Variants in ZNF169 observed in about 807,000 individuals in gnomAD.
ZNF169 encodes the protein zinc finger protein 169.
In ZNF169, 11 loss-of-function variants were observed where a neutral mutation model predicts 12.0. The ratio of observed to expected loss-of-function variants is 0.92; its 90% CI spans 0.58 to 1.52. The LOEUF (loss-of-function observed/expected upper bound fraction) is 1.52, where lower values mean the gene tolerates loss of function less well. Among genes scored for constraint, ZNF169 ranks in the 40% most tolerant of loss-of-function variants. ZNF169 has a pLI of 0.00. For missense variants in ZNF169, 722 were observed against 744.0 expected, an observed-to-expected ratio of 0.97 and a Z score of 0.34; for synonymous variants, 302 against 286.5, an observed-to-expected ratio of 1.05 and a Z score of -0.55.
chr9:94,300,210 A>G lies in ZNF169; in HGVS notation c.652A>G (p.Arg218Gly), dbSNP rs777344996. ...ESGAVIRGNY[R>G]LGLSKKSSLF... ...TGGAGCAGTCATACGTGGAAACTAT[A>G]GACTGGGACTTAGCAAAAAGTCAAG... Residue 218 changes from arginine to glycine, a missense_variant, in exon 5 of 5, where the codon AGA (arginine) becomes GGA (glycine). Transcript: ENST00000395395. The G allele has an allele frequency of 1.9e-6, 3 of 1,614,222 alleles. No homozygotes were observed. Among genetic ancestry groups the G allele is most frequent in the South Asian group, 2.2e-5 (2 of 91,086 alleles).
intron 1 of ZNF169, among the ~76,000 whole-genome samples, chr9:94,269,415 C>T (rs1830352742): frequency 6.6e-6 from 1 of 152,164 alleles, no homozygotes; most frequent in African/African-American, 2.4e-5. Context: ...CTCCATGCTT[C>T]CCTAGTAGTG....
intron 1 of ZNF169, among the ~76,000 whole-genome samples, chr9:94,273,963 T>G (rs1830477120): frequency 6.6e-6 from 1 of 152,312 alleles, no homozygotes; most frequent in South Asian, 2.1e-4. Context: ...TACCACACAA[T>G]GGGTGGCTGT....
chr9:94,278,943 G>C (rs1830570683), intron 2 of ZNF169, 98 bp downstream of exon 2: 1 of 1,221,472 alleles, frequency 8.2e-7, no homozygotes. Flanking sequence ...AGCCTATCTT[G>C]ATCTTGTAGG....
At chr9:94,273,859 G>A (rs3131901) in intron 1 of ZNF169, among the ~76,000 whole-genome samples, 44,249 of 152,066 alleles carry the variant, frequency 0.29, 7,971 homozygotes, top group East Asian at 0.53. Flanking sequence ...GATTACAGGC[G>A]TGAGCCACTG....
chr9:94,300,590 G>A lies in ZNF169; in HGVS notation c.1032G>A (p.Lys344=). 3 of 1,614,204 alleles carry A rather than the reference G, an allele frequency of 1.9e-6. No individual in the cohort carries two copies. The African/African-American group carries it at 4.0e-5, about 22-fold the overall frequency. Residue 344 remains lysine, a synonymous_variant, in exon 5 of 5, where the codon AAG becomes AAA. Transcript: ENST00000395395. The stretch of plus-strand genomic sequence containing the variant: ...ACCAGAGGACGCACTTGGAGGAGAA[G>A]CCCTTCGTGTGTCCTGAGTGTGGGA... ...LLHQRTHLEE[K]PFVCPECGRG...
Position 94,301,248 on chromosome 9 carries a change from CA to C in ZNF169, c.1691del (p.His564LeufsTer55). 1 of 1,614,168 alleles carries C rather than the reference CA, an allele frequency of 6.2e-7. No homozygotes were observed. The highest frequency in any genetic ancestry group is 8.5e-7 in the Non-Finnish European group (1 of 1,180,030). ...TGCCCTCATCCGACATCAGCGGACC[CA>C]TTCTGGGGAGAAGCCGTATGTCTGC... Reference protein sequence around the residue: ...KSALIRHQRTHSGEKPYVCRE... With the variant: ...KSALIRHQRTXSGEKPYVCRE... On this transcript the variant is annotated frameshift_variant, in exon 5 of 5. Coordinates refer to ENST00000395395, the MANE Select transcript of ZNF169 (RefSeq NM_194320.4). LOFTEE classifies it low-confidence loss of function (END_TRUNC).
chr9:94,278,195 A>G (rs190638809), intron 1 of ZNF169, among the ~76,000 whole-genome samples: 64 of 152,344 alleles, frequency 4.2e-4, no homozygotes, highest in Admixed American at 3.9e-3. Context: ...AAACTAGGTC[A>G]GTTACTGACT....
intron 1 of ZNF169, among the ~76,000 whole-genome samples, chr9:94,272,131 C>T (rs910659343): frequency 6.6e-6 from 1 of 150,864 alleles, no homozygotes; most frequent in Non-Finnish European, 1.5e-5. Flanking sequence ...CTCTTATTGT[C>T]CTTTTAATGT....
intron 2 of ZNF169, among the ~76,000 whole-genome samples, chr9:94,290,761 C>G (rs1381626684): frequency 6.6e-6 from 1 of 152,050 alleles, no homozygotes; most frequent in African/African-American, 2.4e-5. Context: ...TCCCTACTTT[C>G]AATTTTTGGG....
intron 1 of ZNF169, among the ~76,000 whole-genome samples, chr9:94,270,539 T>C (rs945950732): frequency 1.4e-5 from 2 of 144,568 alleles, no homozygotes; most frequent in Admixed American, 1.5e-4. Flanking sequence ...CTATTGCTAA[T>C]TTGTTAGGAG....
Position 94,300,039 on chromosome 9 carries a change from T to A in ZNF169, c.481T>A (p.Ser161Thr). 3 of 1,613,928 alleles carry A rather than the reference T, an allele frequency of 1.9e-6. No individual in the cohort carries two copies. Among genetic ancestry groups the A allele is most frequent in the Non-Finnish European group, 2.5e-6 (3 of 1,179,994 alleles). ...ATTAAGAAAGAGGCCAAGCAGAATT[T>A]CTAGGACATTCTTCAGCCCACATCA... is the stretch of plus-strand genomic sequence containing the variant. ...SSLRKRPSRI[S>T]RTFFSPHQGD... is the part of the protein sequence containing the mutation. Residue 161 changes from serine (S) to threonine (T), a missense_variant, in exon 5 of 5, where the codon TCT becomes ACT. By Grantham distance (58) the Ser-to-Thr change is moderately conservative. Transcript: ENST00000395395.
chr9:94,288,479 C>T, intron 2 of ZNF169: 2 of 834,458 alleles, frequency 2.4e-6, no homozygotes, highest in East Asian at 6.0e-5. Context: ...TTTATTAAGC[C>T]AAATCCATAG....
Position 94,300,663 on chromosome 9 carries a change from A to G in ZNF169, c.1105A>G (p.Thr369Ala). 1 of 1,613,916 alleles carries G rather than the reference A, an allele frequency of 6.2e-7. No individual in the cohort carries two copies. The highest frequency in any genetic ancestry group is 8.5e-7 in the Non-Finnish European group (1 of 1,179,926). Reference protein sequence around the residue: ...ASLLQHQSSHTGERPFLCLEC... With the variant: ...ASLLQHQSSHAGERPFLCLEC... ...ACTCCTCCAGCACCAGAGCTCACAC[A>G]CAGGGGAGAGGCCCTTCCTGTGCCT... is the stretch of plus-strand genomic sequence containing the variant. The change falls in exon 5 of 5, where the codon ACA (threonine) becomes GCA (alanine). Residue 369 changes from threonine to alanine, a missense_variant. Thr to Ala is a moderately conservative substitution (Grantham distance 58, BLOSUM62 0). Coordinates refer to ENST00000395395, the MANE Select transcript of ZNF169 (RefSeq NM_194320.4).
intron 1 of ZNF169, among the ~76,000 whole-genome samples, chr9:94,265,021 G>GGT (rs377173676): frequency 4.4e-5 from 4 of 90,662 alleles, no homozygotes; most frequent in Non-Finnish European, 7.9e-5. Flanking sequence ...TCTGTACCCT[G>GGT]TTTTTTTTTT....
chr9:94,271,535 C>T (rs1295841987), intron 1 of ZNF169, among the ~76,000 whole-genome samples: 2 of 151,980 alleles, frequency 1.3e-5, no homozygotes, highest in East Asian at 1.9e-4. Flanking sequence ...CCCTGGCCAA[C>T]GTGCTGAAAC....
chr9:94,274,533 T>A (rs1376188797), intron 1 of ZNF169, among the ~76,000 whole-genome samples: 1 of 152,184 alleles, frequency 6.6e-6, no homozygotes, highest in African/African-American at 2.4e-5. Flanking sequence ...ATACAGATGT[T>A]CCTTGACTTA....
In ZNF169 at chr9:94,300,264, T is replaced by C. The variant is rs767479431; in HGVS notation, c.706T>C (p.Cys236Arg). The change falls in exon 5 of 5, where the codon TGC becomes CGC. Residue 236 changes from cysteine (C) to arginine (R), a missense_variant. Physicochemically the swap from Cys to Arg is radical, Grantham distance 180. Transcript: ENST00000395395. ...SLFSHQKHHV[C>R]PECGRGFCQR... The stretch of plus-strand genomic sequence containing the variant: ...GTTCAGCCACCAGAAGCATCATGTG[T>C]GCCCTGAATGCGGGAGAGGCTTTTG... The C allele has an allele frequency of 6.2e-7, 1 of 1,614,200 alleles. No homozygotes were observed. Among genetic ancestry groups the C allele is most frequent in the South Asian group, 1.1e-5 (1 of 91,090 alleles).
intron 2 of ZNF169, among the ~76,000 whole-genome samples, 186 bp from the exon 3 acceptor site, chr9:94,292,155 T>A (rs1830853684): frequency 6.6e-6 from 1 of 152,222 alleles, no homozygotes; most frequent in African/African-American, 2.4e-5. Flanking sequence ...AGAACCAGCA[T>A]CAGTGTATGG....
rs202023541 is a variant in ZNF169 at position 94,300,766 on chromosome 9, T to C, written c.1208T>C (p.Val403Ala). 5.1e-5 allele frequency: 82 copies of C among 1,613,956 alleles called. No individual in the cohort carries two copies. Among genetic ancestry groups the C allele is most frequent in the Admixed American group, 3.3e-5 (2 of 59,996 alleles). The change falls in exon 5 of 5, where the codon GTC becomes GCC. Residue 403 changes from valine (V) to alanine (A), a missense_variant. Coordinates refer to ENST00000395395, the MANE Select transcript of ZNF169 (RefSeq NM_194320.4). ...ACACACTCAGGAGAGAAGCCTTATG[T>C]CTGTGCTGAGTGTGGGCACAGCTTT... ...QVTHSGEKPY[V>A]CAECGHSFRQ... is the part of the protein sequence containing the mutation.
Sources: gnomAD v4.1 joint callset for allele counts (sites outside exome capture counted in the v4.1 genomes callset) on GRCh38, gnomAD v4.1.1 for gene constraint, MANE v1.5 for transcripts, NCBI Gene and HGNC (gene_info 2026-07-23, HGNC 2026-07-21) for gene names.